The following TRPM2 variants were observed in gnomAD, a reference collection of about 807,000 sequenced individuals.
TRPM2 encodes estrogen-responsive element-associated gene 1 protein.
A neutral mutation model predicts 174.0 loss-of-function variants in TRPM2; 161 were observed. The observed-to-expected ratio is 0.93, with a 90% CI of 0.81 to 1.05. The LOEUF (loss-of-function observed/expected upper bound fraction) is 1.05. Among genes scored for constraint, TRPM2 ranks in the 50% least tolerant of loss-of-function variants. The pLI is 0.00. For missense variants in TRPM2, 2,057 were observed against 2,038.0 expected (o/e 1.01, Z -0.18); for synonymous variants, 954 against 861.3 (o/e 1.11, Z -1.88).
intron 27 of TRPM2, among the ~76,000 whole-genome samples, chr21:44,430,034 G>A (rs1198606793): frequency 6.6e-6 from 1 of 152,130 alleles, no homozygotes; most frequent in Non-Finnish European, 1.5e-5. Flanking sequence ...GTTATAAGAT[G>A]TTTCCCCTTT....
chr21:44,409,908 G>A (rs916229054), intron 19 of TRPM2, among the ~76,000 whole-genome samples: 4 of 145,476 alleles, frequency 2.7e-5, no homozygotes, highest in South Asian at 2.2e-4. Flanking sequence ...CTGTCTTGGC[G>A]TAGCCTTGTA....
chr21:44,390,752 T>G, intron 9 of TRPM2, 152 bp from the exon 10 acceptor site: 2 of 967,524 alleles, frequency 2.1e-6, no homozygotes, highest in Non-Finnish European at 3.1e-6. Context: ...AGGCTGTGTG[T>G]ATGGGAGGAG....
At position 44,366,883 on chromosome 21, in the gene TRPM2, C is replaced by T. The variant is rs1253475107; in HGVS notation, c.553C>T (p.Arg185Trp). 4.3e-6 allele frequency: 7 copies of T among 1,612,340 alleles called. No individual in the cohort carries two copies. Among genetic ancestry groups the T allele is most frequent in the African/African-American group, 4.0e-5 (3 of 74,860 alleles). The change falls in exon 4 of 32, where the codon CGG (arginine) becomes TGG (tryptophan). Residue 185 changes from arginine (R) to tryptophan (W), a missense_variant. Coordinates refer to ENST00000397928, the MANE Select transcript of TRPM2 (RefSeq NM_003307.4). This position sits in a 1 kb window ranked among gnomAD's most constrained non-coding sequence, Gnocchi z 6.0. Reference protein sequence around the residue: ...GGAKNFNMKPRLKSIFRRGLV... With the variant: ...GGAKNFNMKPWLKSIFRRGLV... ...GGCCAAGAACTTCAACATGAAGCCG[C>T]GGCTGAAGAGCATTTTCCGCAGAGG... is the stretch of plus-strand genomic sequence containing the variant.
At chr21:44,369,411 T>A (rs1170562406) in intron 5 of TRPM2, 68 bp downstream of exon 5, 1 of 1,499,912 alleles carries the variant, frequency 6.7e-7, no homozygotes, top group African/African-American at 1.5e-5. Flanking sequence ...CTGGGCGCTG[T>A]GGGGAGCAGG....
intron 26 of TRPM2, 75 bp downstream of exon 26, chr21:44,426,811 C>CTCAGAGTCAGAGCCCTCAG: frequency 6.4e-7 from 1 of 1,567,028 alleles, no homozygotes; most frequent in Non-Finnish European, 8.8e-7. Flanking sequence ...TTGAGAATCC[C>CTCAGAGTCAGAGCCCTCAG]AGTCAGAGCC....
intron 22 of TRPM2, among the ~76,000 whole-genome samples, chr21:44,422,009 C>T (rs1046170944): frequency 2.0e-5 from 3 of 152,262 alleles, no homozygotes; most frequent in Admixed American, 2.0e-4. Context: ...TGAGCTGTCA[C>T]TCCCATTGGT....
At chr21:44,402,233 C>T (rs2049644349) in intron 16 of TRPM2, among the ~76,000 whole-genome samples, 1 of 152,108 alleles carries the variant, frequency 6.6e-6, no homozygotes, top group Non-Finnish European at 1.5e-5. Flanking sequence ...GTGTGGGGTC[C>T]CTAAGACCCC....
At chr21:44,406,891 G>C in intron 19 of TRPM2, 126 bp downstream of exon 19, 2 of 1,266,098 alleles carry the variant, frequency 1.6e-6, no homozygotes, top group Admixed American at 5.1e-5. Flanking sequence ...CCACCTGGCC[G>C]GTGTCCTCCC....
chr21:44,378,266 T>G (rs865857924), intron 7 of TRPM2, among the ~76,000 whole-genome samples: 9 of 152,308 alleles, frequency 5.9e-5, no homozygotes, highest in Middle Eastern at 3.4e-3. Context: ...CCCTAACTGC[T>G]TTGTGGCGTG....
At position 44,366,946 on chromosome 21, in the gene TRPM2, G is replaced by T. The variant is rs1231350303; in HGVS notation, c.604+12G>T. 6.4e-7 allele frequency: 1 copy of T among 1,566,732 alleles called. No individual in the cohort carries two copies. The highest frequency in any genetic ancestry group is 8.7e-7 in the Non-Finnish European group (1 of 1,152,370). On this transcript the variant is annotated intron_variant, in intron 4 of 31. Transcript: ENST00000397928. This position sits in a 1 kb window ranked among gnomAD's most constrained non-coding sequence, Gnocchi z 6.0. The stretch of plus-strand genomic sequence containing the variant: ...GGCTCAGACCACAGGTAACTCGGAG[G>T]CTGGAGGGACACGAGGCCCCGGCGG...
chr21:44,362,247 G>A (rs1433906904), intron 2 of TRPM2, among the ~76,000 whole-genome samples: 2 of 151,368 alleles, frequency 1.3e-5, no homozygotes, highest in Non-Finnish European at 2.9e-5. Flanking sequence ...GCTTAAGCCT[G>A]TAATCCCAGC....
chr21:44,422,355 G>C, intron 22 of TRPM2: 1 of 1,536,128 alleles, frequency 6.5e-7, no homozygotes, highest in Non-Finnish European at 8.7e-7. Flanking sequence ...GGAATCACGC[G>C]GGTCCGAGAA....
rs1245473564 is a variant in TRPM2 at position 44,432,223 on chromosome 21, A to C, written c.3975-2908A>C. Among the ~76,000 whole-genome samples the C allele has an allele frequency of 1.3e-5, 2 of 152,138 alleles. No homozygotes were observed. The highest frequency in any genetic ancestry group is 4.8e-5 in the African/African-American group (2 of 41,424). On this transcript the variant is annotated intron_variant, in intron 27 of 31. Transcript: ENST00000397928. The surrounding 1 kb of genome is among the most constrained non-coding windows in gnomAD (Gnocchi z 4.9). ...TTCTGAGGGCCAGGAGTCTGAAATCAAGGACCACACTCCCTCTGAGGGCTT... is the reference window on the plus strand; with the variant it reads ...TTCTGAGGGCCAGGAGTCTGAAATCCAGGACCACACTCCCTCTGAGGGCTT...
At chr21:44,383,497 T>C (rs1479770247) in intron 9 of TRPM2, among the ~76,000 whole-genome samples, 1 of 152,206 alleles carries the variant, frequency 6.6e-6, no homozygotes, top group East Asian at 1.9e-4. Context: ...ACTTTTGTGA[T>C]AAAGGCCAGA....
At chr21:44,358,199 G>T (rs2048112067) in intron 2 of TRPM2, among the ~76,000 whole-genome samples, 1 of 152,152 alleles carries the variant, frequency 6.6e-6, no homozygotes, top group African/African-American at 2.4e-5. Flanking sequence ...TCTCATTTCC[G>T]TGTCTGCTGT....
intron 20 of TRPM2, 83 bp from the exon 21 acceptor site, chr21:44,417,844 C>G: frequency 6.9e-7 from 1 of 1,453,930 alleles, no homozygotes; most frequent in Non-Finnish European, 9.3e-7. Flanking sequence ...TCTGTGGCAT[C>G]ACAGTGGGCA....
chr21:44,370,647 G>T (rs1244656035), intron 5 of TRPM2, among the ~76,000 whole-genome samples: 1 of 152,222 alleles, frequency 6.6e-6, no homozygotes, highest in Non-Finnish European at 1.5e-5. Flanking sequence ...GCGGGCAGAG[G>T]ACACTCCCAG....
rs1443632133 is a variant in TRPM2, at chr21:44,425,728, GGA to G, written c.3698_3699del (p.Glu1233AlafsTer39). 6.3e-7 allele frequency: 1 copy of G among 1,578,744 alleles called. No homozygotes were observed. Among genetic ancestry groups the G allele is most frequent in the East Asian group, 2.3e-5 (1 of 43,762 alleles). On this transcript the variant is annotated frameshift_variant, in exon 25 of 32. Transcript: ENST00000397928. LOFTEE classifies it high-confidence loss of function. ...AEPGGRKKTEEPGDSYHVNAR... is the reference protein window; with the variant it reads ...AEPGGRKKTEXPGDSYHVNAR... Reference sequence around the variant, plus strand: ...AGCCGGGAGGCAGGAAGAAGACGGAGGAGCCGGGCGACAGCTACCACGTGAAT... The same window carrying G: ...AGCCGGGAGGCAGGAAGAAGACGGAGGCCGGGCGACAGCTACCACGTGAAT...
chr21:44,385,352 T>TA (rs2048990229), intron 9 of TRPM2, among the ~76,000 whole-genome samples: 1 of 152,210 alleles, frequency 6.6e-6, no homozygotes, highest in Admixed American at 6.5e-5. Flanking sequence ...AAAACAGTGC[T>TA]AATGGAGAAA....
Sources: gnomAD v4.1 joint callset for allele counts (sites outside exome capture counted in the v4.1 genomes callset) on GRCh38, gnomAD v4.1.1 for gene constraint, Gnocchi (gnomAD v3.1) non-coding constraint, MANE v1.5 for transcripts, NCBI Gene and HGNC (gene_info 2026-07-23, HGNC 2026-07-21) for gene names.